The following KDM1B variants were observed in gnomAD, a reference collection of about 807,000 sequenced individuals.
The protein encoded by KDM1B is lysine demethylase 1B.
A neutral mutation model predicts 107.4 loss-of-function variants in KDM1B; 63 were observed. The ratio of observed to expected loss-of-function variants is 0.59; its 90% confidence interval spans 0.48 to 0.72. The LOEUF is 0.72. Ranked by LOEUF, KDM1B falls within the 30% of genes least tolerant of loss-of-function variation. The pLI, the probability that KDM1B is intolerant of heterozygous loss-of-function variation, is 0.00. For missense variants in KDM1B, 749 were observed against 1,020.8 expected (o/e 0.73, Z 3.63); for synonymous variants, 363 against 363.9 (o/e 1.00, Z 0.03).
At chr6:18,215,592 G>A (rs1554151487) in intron 20 of KDM1B, among the ~76,000 whole-genome samples, 1 of 152,140 alleles carries the variant, frequency 6.6e-6, no homozygotes, top group Non-Finnish European at 1.5e-5. Context: ...ACCATGCGAC[G>A]AAATACAGTC....
At position 18,212,720 on chromosome 6, in the gene KDM1B, T is replaced by A; in HGVS notation, c.1983+116T>A. Reference sequence around the variant, plus strand: ...CTAAATACAAATAAAACTCAAGGATTTCCTTTTCATTTGAGTAATTGTTCG... The same window carrying A: ...CTAAATACAAATAAAACTCAAGGATATCCTTTTCATTTGAGTAATTGTTCG... On this transcript the variant is annotated intron_variant, in intron 18 of 21. Coordinates refer to ENST00000650836, the MANE Select transcript of KDM1B (RefSeq NM_001364614.2). The surrounding 1 kb of genome is among the most constrained non-coding windows in gnomAD (Gnocchi z 5.2). 1 of 729,144 alleles carries A rather than the reference T, an allele frequency of 1.4e-6. No individual in the cohort carries two copies. The highest frequency in any genetic ancestry group is 2.4e-6 in the Non-Finnish European group (1 of 410,424). The allele number at this position is 729,144 out of a possible 1,614,324, so 45.2% of individuals were successfully genotyped here. A position where few individuals can be genotyped will look rare whatever the true frequency, so the allele number is the denominator to read the frequency against.
At chr6:18,177,383 CTTTA>C (rs1407674927) in intron 7 of KDM1B, among the ~76,000 whole-genome samples, 9 of 151,260 alleles carry the variant, frequency 6.0e-5, no homozygotes, top group Non-Finnish European at 8.8e-5. Context: ...TGTCTATCAA[CTTTA>C]TTTATCTTTT....
At chr6:18,156,856 G>C (rs752697552) in intron 2 of KDM1B, among the ~76,000 whole-genome samples, 1 of 152,060 alleles carries the variant, frequency 6.6e-6, no homozygotes, top group Non-Finnish European at 1.5e-5. Flanking sequence ...GGTGGATGTT[G>C]TAGTGAGCCG....
Position 18,222,742 on chromosome 6 carries a change from T to C in KDM1B, c.*750T>C, listed in dbSNP as rs1789858903. ...ACTATAGACACAGAATATAGCTTTT[T>C]CTTAAAGCCAAATTTGGGTGATAGG... On this transcript the variant is annotated 3_prime_UTR_variant, in exon 22 of 22. Transcript: ENST00000650836. The C allele has an allele frequency of 6.5e-6, 1 of 152,674 alleles. No homozygotes were observed. The highest frequency in any genetic ancestry group is 1.5e-5 in the Non-Finnish European group (1 of 68,070). The allele number at this position is 152,674 out of a possible 1,614,324, so 9.5% of individuals were successfully genotyped here.
At chr6:18,183,033 G>A (rs1015569516) in intron 7 of KDM1B, among the ~76,000 whole-genome samples, 1 of 152,108 alleles carries the variant, frequency 6.6e-6, no homozygotes. Context: ...GTATCAAAGG[G>A]TAGATGCTAT....
At chr6:18,157,808 CT>C (rs67631382) in intron 2 of KDM1B, among the ~76,000 whole-genome samples, 15 of 115,622 alleles carry the variant, frequency 1.3e-4, no homozygotes, top group African/African-American at 3.2e-4. Context: ...GTAGATAGTC[CT>C]TTTTTTTTTT....
intron 5 of KDM1B, among the ~76,000 whole-genome samples, chr6:18,165,084 A>G (rs180772900): frequency 6.7e-6 from 1 of 149,104 alleles, no homozygotes; most frequent in South Asian, 2.1e-4. Context: ...GCTGTTTTCC[A>G]TATGGTGCAT....
In KDM1B at chr6:18,200,108, A is replaced by G. The variant is rs1787936582; in HGVS notation, c.1222-331A>G. On this transcript the variant is annotated intron_variant, in intron 12 of 21. Coordinates refer to ENST00000650836, the MANE Select transcript of KDM1B (RefSeq NM_001364614.2). The surrounding 1 kb of genome is among the most constrained non-coding windows in gnomAD (Gnocchi z 4.3). ...AAACTGGTCACAAACTCTTGGCCTC[A>G]TGTGATCCTCCTGCCTCGGCCTCCC... 6.6e-6 allele frequency among the ~76,000 whole-genome samples: 1 copy of G among 152,214 alleles called. No homozygotes were observed. Among genetic ancestry groups the G allele is most frequent in the Non-Finnish European group, 1.5e-5 (1 of 68,040 alleles).
rs367651243 is a variant in KDM1B at position 18,208,191 on chromosome 6, G to T, written c.1851G>T (p.Gly617=). The T allele has an allele frequency of 6.2e-7, 1 of 1,613,334 alleles. No homozygotes were observed. Among genetic ancestry groups the T allele is most frequent in the Non-Finnish European group, 8.5e-7 (1 of 1,179,442 alleles). ...EVQVTTTDGT[G]YSAQKVLVTV... ...AGGTTACCACTACAGATGGCACAGG[G>T]TATTCTGCACAAAAGGTAAGAGCTA... The change falls in exon 17 of 22, where the codon GGG becomes GGT. Residue 617 remains glycine (G), a synonymous_variant. Transcript: ENST00000650836.
At chr6:18,198,637 C>CAAAAAAAAAA (rs762849198) in intron 12 of KDM1B, among the ~76,000 whole-genome samples, 1 of 69,208 alleles carries the variant, frequency 1.4e-5, no homozygotes, top group Non-Finnish European at 2.5e-5. Context: ...GACTCCATCT[C>CAAAAAAAAAA]AAAAAAAAAA....
In KDM1B at chr6:18,201,737, T is replaced by G. The variant is rs1001349328; in HGVS notation, c.1531+80T>G. The G allele has an allele frequency of 8.2e-7, 1 of 1,223,082 alleles. No homozygotes were observed. The highest frequency in any genetic ancestry group is 2.6e-5 in the East Asian group (1 of 38,912). The allele number at this position is 1,223,082 out of a possible 1,614,324, so 75.8% of individuals were successfully genotyped here. Reference sequence around the variant, plus strand: ...CTTCATCAGCAGTGGCATTGTTCATTTGCGAGGTCGGATGTCGGCAACAGG... The same window carrying G: ...CTTCATCAGCAGTGGCATTGTTCATGTGCGAGGTCGGATGTCGGCAACAGG... On this transcript the variant is annotated intron_variant, in intron 14 of 21. Transcript: ENST00000650836. The surrounding 1 kb of genome is among the most constrained non-coding windows in gnomAD (Gnocchi z 4.3).
chr6:18,178,601 C>T (rs1001116748), intron 7 of KDM1B, among the ~76,000 whole-genome samples: 1 of 151,920 alleles, frequency 6.6e-6, no homozygotes, highest in African/African-American at 2.4e-5. Flanking sequence ...CCATGTTGGC[C>T]AGGCTGGTCT....
chr6:18,208,628 T>TATATATATATATATATATATATATA (rs1491350264), intron 17 of KDM1B, among the ~76,000 whole-genome samples: 24 of 16,218 alleles, frequency 1.5e-3, no homozygotes, highest in East Asian at 2.0e-3. Flanking sequence ...TATATATATA[T>TATATATATATATATATATATATATA]TTTTTTTTTT....
At position 18,197,676 on chromosome 6, in the gene KDM1B, AC is replaced by A. The variant is rs760040180; in HGVS notation, c.1221+16del. On this transcript the variant is annotated intron_variant, in intron 12 of 21. Transcript: ENST00000650836. This position sits in a 1 kb window ranked among gnomAD's most constrained non-coding sequence, Gnocchi z 4.5. ...TTGGAATTAAGGTAGGATTTTGGGG[AC>A]ATGGAGTTAGAACAGATGGTTGACT... is the stretch of plus-strand genomic sequence containing the variant. 7 of 1,605,290 alleles carry A rather than the reference AC, an allele frequency of 4.4e-6. No individual in the cohort carries two copies. In the East Asian group the frequency reaches 1.3e-4, roughly 31 times the overall value.
rs1789101807 is a variant in KDM1B, at chr6:18,214,888, T to C, written c.2110-119T>C. ...TTGCACCATTGCACTCCAGCCTGGGTGACAGAGCAAAACTCTGTCTCATTT... is the reference window on the plus strand; with the variant it reads ...TTGCACCATTGCACTCCAGCCTGGGCGACAGAGCAAAACTCTGTCTCATTT... On this transcript the variant is annotated intron_variant, in intron 19 of 21. Transcript: ENST00000650836. The surrounding 1 kb of genome is among the most constrained non-coding windows in gnomAD (Gnocchi z 4.4). 1 of 992,510 alleles carries C rather than the reference T, an allele frequency of 1.0e-6. No individual in the cohort carries two copies. The highest frequency in any genetic ancestry group is 1.4e-6 in the Non-Finnish European group (1 of 691,680). 61.5% of individuals were successfully genotyped at this position (992,510 alleles called of 1,614,324 possible). A position where few individuals can be genotyped will look rare whatever the true frequency, so the allele number is the denominator to read the frequency against.
At chr6:18,182,738 C>G (rs372722317) in intron 7 of KDM1B, among the ~76,000 whole-genome samples, 2 of 152,064 alleles carry the variant, frequency 1.3e-5, no homozygotes, top group East Asian at 1.9e-4. Flanking sequence ...GCTATGTTGC[C>G]CAGGCTGGTC....
At chr6:18,169,046 A>G (rs982035328) in intron 6 of KDM1B, among the ~76,000 whole-genome samples, 2 of 151,514 alleles carry the variant, frequency 1.3e-5, no homozygotes, top group African/African-American at 2.4e-5. Flanking sequence ...TAATTTTTGT[A>G]TTTTTAGTAG....
chr6:18,198,218 T>G (rs1423242618), intron 12 of KDM1B, among the ~76,000 whole-genome samples: 1 of 151,504 alleles, frequency 6.6e-6, no homozygotes, highest in Non-Finnish European at 1.5e-5. Flanking sequence ...CTTGACAGAT[T>G]ATTATTCGCA....
At chr6:18,168,083 A>G (rs764876122) in intron 6 of KDM1B, among the ~76,000 whole-genome samples, 7 of 152,220 alleles carry the variant, frequency 4.6e-5, no homozygotes, top group Non-Finnish European at 1.0e-4. Flanking sequence ...TAAAAATATT[A>G]TAAGTAATGC....
Sources: allele counts gnomAD v4.1 joint callset (sites outside exome capture counted in the v4.1 genomes callset), GRCh38; gene constraint gnomAD v4.1.1; non-coding constraint Gnocchi (gnomAD v3.1); transcripts MANE v1.5; gene names NCBI Gene and HGNC (gene_info 2026-07-23, HGNC 2026-07-21).